Variants in BICC1 observed in about 807,000 individuals in gnomAD.
BICC1 encodes the protein BicC family RNA binding protein 1, also known as protein bicaudal C homolog 1.
BICC1 carries 43 observed loss-of-function variants against 111.0 expected under a neutral mutation model. The observed-to-expected ratio is 0.39, with a 90% confidence interval of 0.30 to 0.50. BICC1 has a LOEUF of 0.50. Ranked by LOEUF, BICC1 falls within the 20% of genes least tolerant of loss-of-function variation. BICC1 has a pLI of 0.88. For synonymous variants in BICC1, 467 were observed against 434.4 expected (o/e 1.07, Z -0.93); for missense variants, 1,091 against 1,203.2 (o/e 0.91, Z 1.38).
intron 2 of BICC1, among the ~76,000 whole-genome samples, chr10:58,660,557 C>T (rs1253410973): frequency 6.6e-6 from 1 of 151,826 alleles, no homozygotes; most frequent in South Asian, 2.1e-4. Context: ...TAGCCCGTCT[C>T]TTCTCAGAAG....
chr10:58,654,022 T>A (rs1202591164), intron 2 of BICC1, among the ~76,000 whole-genome samples: 1 of 151,056 alleles, frequency 6.6e-6, no homozygotes. Flanking sequence ...CATCATTTTT[T>A]ATGGCTGCAT....
At chr10:58,818,704 C>T in intron 19 of BICC1, among the ~76,000 whole-genome samples, 1 of 151,638 alleles carries the variant, frequency 6.6e-6, no homozygotes, top group African/African-American at 2.4e-5. Context: ...TTCTGTTTCC[C>T]CTACATCTGA....
intron 3 of BICC1, among the ~76,000 whole-genome samples, chr10:58,769,316 G>A (rs1359766758): frequency 2.7e-5 from 4 of 147,774 alleles, no homozygotes; most frequent in African/African-American, 7.5e-5. Flanking sequence ...ACATGCACAC[G>A]CACAGAGGTC....
At chr10:58,518,458 C>T (rs1842299451) in intron 1 of BICC1, among the ~76,000 whole-genome samples, 1 of 152,008 alleles carries the variant, frequency 6.6e-6, no homozygotes, top group African/African-American at 2.4e-5. Flanking sequence ...GCTTAATAAA[C>T]ATCAGTTCAG....
In BICC1 at chr10:58,731,678, G is replaced by C. The variant is rs568326583; in HGVS notation, c.307+29535G>C. Among the ~76,000 whole-genome samples the C allele has an allele frequency of 4.6e-5, 7 of 151,812 alleles. 1 individual carries two copies. The South Asian group carries it at 1.5e-3, about 32-fold the overall frequency. ...ATGGCGGAAGGCAAAGTGGGAGCAG[G>C]TGTCTTACATGGGAGGAGCAGGACA... On this transcript the variant is annotated intron_variant, in intron 3 of 20. Coordinates refer to ENST00000373886, the MANE Select transcript of BICC1 (RefSeq NM_001080512.3).
At position 58,800,992 on chromosome 10, in the gene BICC1, G is replaced by A. The variant is rs1290760124; in HGVS notation, c.1961G>A (p.Cys654Tyr). The change falls in exon 14 of 21, where the codon TGT becomes TAT. Residue 654 changes from cysteine to tyrosine, a missense_variant. By Grantham distance (194) the Cys-to-Tyr change is radical (BLOSUM62 -2). Around this residue, in one of 3 missense-constraint regions of BICC1, gnomAD observed 843 missense variants for 900.8 expected, o/e 0.94. Transcript: ENST00000373886. ...KQMMCPSKVS[C>Y]AKRQTVELLQ... ...ATGATGTGTCCCTCCAAGGTTTCCT[G>A]TGCCAAAAGGCAGACAGTGGAACTA... 3 of 1,612,028 alleles carry A rather than the reference G, an allele frequency of 1.9e-6. No individual in the cohort carries two copies. Among genetic ancestry groups the A allele is most frequent in the African/African-American group, 2.7e-5 (2 of 74,798 alleles).
At chr10:58,766,523 C>G (rs1021768850) in intron 3 of BICC1, among the ~76,000 whole-genome samples, 4 of 152,086 alleles carry the variant, frequency 2.6e-5, no homozygotes, top group African/African-American at 9.7e-5. Flanking sequence ...TCTTCAACAA[C>G]AAATGCTTAT....
chr10:58,789,656 A>G, intron 7 of BICC1, 26 bp from the exon 8 acceptor site: 1 of 1,613,072 alleles, frequency 6.2e-7, no homozygotes, highest in Non-Finnish European at 8.5e-7. Flanking sequence ...GTATAGGATT[A>G]TTTCTTTCCC....
chr10:58,534,159 A>C (rs927170660), intron 1 of BICC1, among the ~76,000 whole-genome samples: 13 of 151,744 alleles, frequency 8.6e-5, no homozygotes, highest in African/African-American at 3.1e-4. Context: ...CTTTATAGAA[A>C]ATAGGTAAAG....
chr10:58,634,183 G>A (rs1446524628), intron 2 of BICC1, among the ~76,000 whole-genome samples: 1 of 151,878 alleles, frequency 6.6e-6, no homozygotes, highest in Non-Finnish European at 1.5e-5. Context: ...AGTAGAAACA[G>A]CATTTCACTA....
chr10:58,523,034 A>G (rs2132523684), intron 1 of BICC1, among the ~76,000 whole-genome samples: 1 of 152,294 alleles, frequency 6.6e-6, no homozygotes, highest in East Asian at 1.9e-4. Flanking sequence ...TAGACCAATA[A>G]CAGGCTCTGA....
chr10:58,781,029 T>C (rs1347183449), intron 3 of BICC1, among the ~76,000 whole-genome samples: 1 of 152,182 alleles, frequency 6.6e-6, no homozygotes, highest in African/African-American at 2.4e-5. Flanking sequence ...AATACCCATT[T>C]CATATGCATT....
At chr10:58,536,546 C>T (rs1203077819) in intron 1 of BICC1, among the ~76,000 whole-genome samples, 1 of 151,604 alleles carries the variant, frequency 6.6e-6, no homozygotes, top group Non-Finnish European at 1.5e-5. Context: ...TTCTCAGAAC[C>T]TCTAGGACAC....
rs577808800 is a variant in BICC1 at position 58,647,059 on chromosome 10, T to G, written c.237+26158T>G. Reference sequence around the variant, plus strand: ...ACTGTTATACATTTTGGAAGCATCTTTCTAATCATCTTCCTATGGTAGATA... The same window carrying G: ...ACTGTTATACATTTTGGAAGCATCTGTCTAATCATCTTCCTATGGTAGATA... On this transcript the variant is annotated intron_variant, in intron 2 of 20. Transcript: ENST00000373886. Among the ~76,000 whole-genome samples, 194 of 152,290 alleles carry G rather than the reference T, an allele frequency of 1.3e-3. 1 individual carries two copies. The highest frequency in any genetic ancestry group is 4.4e-3 in the African/African-American group (182 of 41,576).
chr10:58,750,783 CTTG>C (rs1265680675), intron 3 of BICC1, among the ~76,000 whole-genome samples: 4 of 152,090 alleles, frequency 2.6e-5, no homozygotes, highest in Non-Finnish European at 4.4e-5. Context: ...AAGTGAAAAG[CTTG>C]TTAATTGTGA....
chr10:58,596,197 C>T (rs1374709752), intron 1 of BICC1, among the ~76,000 whole-genome samples: 3 of 152,280 alleles, frequency 2.0e-5, no homozygotes, highest in Admixed American at 6.5e-5. Flanking sequence ...ATAATAAGTT[C>T]CGCTCAACTT....
intron 3 of BICC1, among the ~76,000 whole-genome samples, chr10:58,769,717 T>G (rs1292188175): frequency 6.6e-6 from 1 of 152,018 alleles, no homozygotes; most frequent in Non-Finnish European, 1.5e-5. Context: ...GAAAATATTT[T>G]TATGAATATC....
chr10:58,518,347 C>G lies in BICC1; in HGVS notation c.190+5014C>G, dbSNP rs184970557. The stretch of plus-strand genomic sequence containing the variant: ...GGGTTAACATGTTTCATTTGCTCAC[C>G]TGTAAAATGGGGATAATAATAGTCC... On this transcript the variant is annotated intron_variant, in intron 1 of 20. Transcript: ENST00000373886. Among the ~76,000 whole-genome samples, 4 of 152,110 alleles carry G rather than the reference C, an allele frequency of 2.6e-5. No individual in the cohort carries two copies. In the East Asian group the frequency reaches 7.8e-4, roughly 30 times the overall value.
intron 2 of BICC1, among the ~76,000 whole-genome samples, chr10:58,656,785 T>G (rs944166466): frequency 4.6e-5 from 7 of 152,176 alleles, no homozygotes; most frequent in East Asian, 1.9e-4. Context: ...ACAACTCAAT[T>G]ACTTCATGTT....
Sources: gnomAD v4.1 joint callset for allele counts (sites outside exome capture counted in the v4.1 genomes callset) on GRCh38, gnomAD v4.1.1 for gene constraint, gnomAD v4.1.1 regional missense constraint, MANE v1.5 for transcripts, NCBI Gene and HGNC (gene_info 2026-07-23, HGNC 2026-07-21) for gene names.